RPP38: variants seen among roughly 807,000 people sequenced by gnomAD.
The protein encoded by RPP38 is ribonuclease P protein subunit p38.
In RPP38, 2 loss-of-function variants were observed where a neutral mutation model predicts 1.7. The ratio of observed to expected loss-of-function variants is 1.18; its 90% CI spans 0.48 to 3.70. RPP38 has a LOEUF of 3.70. Ranked by LOEUF, RPP38 falls within the 30% of genes most tolerant of loss-of-function variation. The pLI is 0.07. For synonymous variants in RPP38, 151 were observed against 131.8 expected, an observed-to-expected ratio of 1.15 and a Z score of -1.00; for missense variants, 358 against 340.1, an observed-to-expected ratio of 1.05 and a Z score of -0.41.
chr10:15,102,363 G>A (rs11259487), intron 2 of RPP38, 27 bp downstream of exon 2: 7,540 of 151,974 alleles, frequency 0.05, 239 homozygotes, highest in African/African-American at 0.096. Context: ...GCTAATTTAT[G>A]TATTTTTTGT....
intron 1 of RPP38, among the ~76,000 whole-genome samples, chr10:15,101,975 GTGGGGAGACTT>G (rs1166559870): frequency 1.3e-5 from 2 of 152,138 alleles, no homozygotes; most frequent in Non-Finnish European, 2.9e-5. Flanking sequence ...GCCCTGGGAG[GTGGGGAGACTT>G]ACAAAAGTGG....
At chr10:15,101,359 T>G (rs1175552759) in intron 1 of RPP38, among the ~76,000 whole-genome samples, 1 of 152,150 alleles carries the variant, frequency 6.6e-6, no homozygotes, top group Non-Finnish European at 1.5e-5. Flanking sequence ...TGGGTCCCTG[T>G]GATTCTAGCT....
Position 15,103,814 on chromosome 10 carries a change from G to C in RPP38, c.500G>C (p.Arg167Thr). The change falls in exon 3 of 3, where the codon AGA (arginine) becomes ACA (threonine). Residue 167 changes from arginine to threonine, a missense_variant. Transcript: ENST00000378197. ...TGTCAGGTCCCCCGGCTCAGTGAGA[G>C]AATCGCCCCCGTCATTGGCTTAAAA... is the stretch of plus-strand genomic sequence containing the variant. Reference protein sequence around the residue: ...PACQVPRLSERIAPVIGLKCV... With the variant: ...PACQVPRLSETIAPVIGLKCV... The C allele has an allele frequency of 6.2e-7, 1 of 1,614,094 alleles. No homozygotes were observed. Among genetic ancestry groups the C allele is most frequent in the Non-Finnish European group, 8.5e-7 (1 of 1,180,030 alleles).
In RPP38 at chr10:15,102,230, G is replaced by A. The variant is rs1429934948; in HGVS notation, c.-117G>A. ...TTTTTTTTTGCAGACAGGGTCAGAT[G>A]TGTTACTGGGCTGGAGTGTGGTGGC... On this transcript the variant is annotated 5_prime_UTR_variant, in exon 2 of 3. The change creates a new upstream start codon in the 5' untranslated region. Coordinates refer to ENST00000378197, the MANE Select transcript of RPP38 (RefSeq NM_183005.5). The A allele has an allele frequency of 6.8e-6, 1 of 147,358 alleles. No individual in the cohort carries two copies. Among genetic ancestry groups the A allele is most frequent in the East Asian group, 2.0e-4 (1 of 4,942 alleles). The allele number at this position is 147,358 out of a possible 1,614,324, so 9.1% of individuals were successfully genotyped here.
intron 1 of RPP38, 28 bp downstream of exon 1, chr10:15,097,794 GGGGAGGTGAGCT>G (rs1844984183): frequency 6.6e-6 from 1 of 152,622 alleles, no homozygotes; most frequent in South Asian, 2.1e-4. Context: ...GGCGTGCAGT[GGGGAGGTGAGCT>G]TTGGGTCGGC....
At chr10:15,101,874 G>C (rs947625796) in intron 1 of RPP38, among the ~76,000 whole-genome samples, 2 of 151,690 alleles carry the variant, frequency 1.3e-5, no homozygotes, top group Non-Finnish European at 2.9e-5. Context: ...TAGGCAACAA[G>C]AGCAAAACTC....
chr10:15,098,743 G>T (rs1845024925), intron 1 of RPP38, among the ~76,000 whole-genome samples: 1 of 151,328 alleles, frequency 6.6e-6, no homozygotes, highest in South Asian at 2.1e-4. Flanking sequence ...AGAATTAGCC[G>T]GGCGTGATGG....
At position 15,103,955 on chromosome 10, in the gene RPP38, A is replaced by C; in HGVS notation, c.641A>C (p.Asp214Ala). The C allele has an allele frequency of 6.2e-7, 1 of 1,614,110 alleles. No homozygotes were observed. Among genetic ancestry groups the C allele is most frequent in the East Asian group, 2.2e-5 (1 of 44,886 alleles). ...SVPWLQDRIE[D>A]SGENLETEPL... Reference sequence around the variant, plus strand: ...CCATGGCTTCAAGACAGAATTGAAGATTCTGGGGAAAATTTAGAGACTGAA... The same window carrying C: ...CCATGGCTTCAAGACAGAATTGAAGCTTCTGGGGAAAATTTAGAGACTGAA... The change falls in exon 3 of 3, where the codon GAT (aspartate) becomes GCT (alanine). Residue 214 changes from aspartate (D) to alanine (A), a missense_variant. By Grantham distance (126) the Asp-to-Ala change is moderately radical (BLOSUM62 -2). Transcript: ENST00000378197.
intron 1 of RPP38, among the ~76,000 whole-genome samples, chr10:15,099,122 A>G (rs968788584): frequency 6.6e-6 from 1 of 152,186 alleles, no homozygotes; most frequent in Non-Finnish European, 1.5e-5. Context: ...TAATCGATAA[A>G]TATTTGTTGA....
intron 1 of RPP38, among the ~76,000 whole-genome samples, chr10:15,099,806 A>C (rs1379876326): frequency 1.3e-5 from 2 of 151,964 alleles, no homozygotes; most frequent in Non-Finnish European, 2.9e-5. Flanking sequence ...AATTAAAAAA[A>C]TTTTCTGGGC....
In RPP38 at chr10:15,097,413, G is replaced by A. The variant is rs1844965495; in HGVS notation, c.-483G>A. The A allele has an allele frequency of 6.6e-6, 1 of 152,324 alleles. No homozygotes were observed. Among genetic ancestry groups the A allele is most frequent in the East Asian group, 1.9e-4 (1 of 5,190 alleles). 9.4% of individuals were successfully genotyped at this position (152,324 alleles called of 1,614,324 possible). A position where few individuals can be genotyped will look rare whatever the true frequency, so the allele number is the denominator to read the frequency against. ...GATTCGCCATCGTGAGTTCCAGGTG[G>A]GCGCGCGGGGCCCACGTAGGGCAGG... On this transcript the variant is annotated 5_prime_UTR_variant, in exon 1 of 3. Transcript: ENST00000378197.
Position 15,103,819 on chromosome 10 carries a change from GCCC to G in RPP38, c.508_510del (p.Pro170del), listed in dbSNP as rs771440896. On this transcript the variant is annotated inframe_deletion, in exon 3 of 3. Transcript: ENST00000378197. ...GGTCCCCCGGCTCAGTGAGAGAATC[GCCC>G]CCGTCATTGGCTTAAAATGTGTTCT... 2 of 1,614,006 alleles carry G rather than the reference GCCC, an allele frequency of 1.2e-6. No individual in the cohort carries two copies. Among genetic ancestry groups the G allele is most frequent in the East Asian group, 4.5e-5 (2 of 44,872 alleles).
Position 15,104,070 on chromosome 10 carries a change from T to C in RPP38, c.756T>C (p.Ala252=). 6.2e-7 allele frequency: 1 copy of C among 1,613,890 alleles called. No homozygotes were observed. Residue 252 remains alanine, a synonymous_variant, in exon 3 of 3, where the codon GCT becomes GCC. Transcript: ENST00000378197. ...GAAAGCTTGCTGACGGTCGGCAGGC[T>C]TCTGTAACATTACAACCCCTTAAAA... ...PKRKLADGRQ[A]SVTLQPLKIK...
rs1845216260 is a variant in RPP38 at position 15,104,033 on chromosome 10, C to CA, written c.723dup (p.Pro242ThrfsTer2). 1 of 1,613,754 alleles carries CA rather than the reference C, an allele frequency of 6.2e-7. No homozygotes were observed. Among genetic ancestry groups the CA allele is most frequent in the African/African-American group, 1.3e-5 (1 of 74,880 alleles). ...TTGGACACTTCATTTGAAGATCTGTCAAAACCTAAGAGAAAGCTTGCTGAC... is the reference window on the plus strand; with the variant it reads ...TTGGACACTTCATTTGAAGATCTGTCAAAAACCTAAGAGAAAGCTTGCTGAC... On this transcript the variant is annotated frameshift_variant, in exon 3 of 3. Coordinates refer to ENST00000378197, the MANE Select transcript of RPP38 (RefSeq NM_183005.5). LOFTEE classifies it high-confidence loss of function.
intron 1 of RPP38, among the ~76,000 whole-genome samples, chr10:15,100,784 G>T (rs949533509): frequency 3.3e-5 from 5 of 151,972 alleles, no homozygotes; most frequent in Non-Finnish European, 7.4e-5. Flanking sequence ...GGATTCAAGA[G>T]ATTCTCCTGC....
At chr10:15,101,585 G>A (rs758836802) in intron 1 of RPP38, among the ~76,000 whole-genome samples, 21 of 152,116 alleles carry the variant, frequency 1.4e-4, no homozygotes, top group Admixed American at 3.3e-4. Flanking sequence ...AAGTCAGCTC[G>A]GGGTCCCCCT....
chr10:15,103,389 GA>G lies in RPP38; in HGVS notation c.77del (p.Asn26ThrfsTer47), dbSNP rs1845180058. On this transcript the variant is annotated frameshift_variant, in exon 3 of 3. Coordinates refer to ENST00000378197, the MANE Select transcript of RPP38 (RefSeq NM_183005.5). LOFTEE classifies it low-confidence loss of function (END_TRUNC). Reference protein sequence around the residue: ...TRPLVVKTSLNNPYIIRWSAL... With the variant: ...TRPLVVKTSLXNPYIIRWSAL... ...GACCTCTGGTTGTGAAGACGTCGTT[GA>G]ACAACCCATACATCATCCGCTGGAG... The G allele has an allele frequency of 1.9e-6, 3 of 1,613,910 alleles. No homozygotes were observed. The highest frequency in any genetic ancestry group is 2.5e-6 in the Non-Finnish European group (3 of 1,179,956).
In RPP38 at chr10:15,097,360, C is replaced by T. The variant is rs1303582655; in HGVS notation, c.-536C>T. On this transcript the variant is annotated 5_prime_UTR_variant, in exon 1 of 3. Transcript: ENST00000378197. ...ACGCGCGGCGCAGGCGCACTGGGCG[C>T]CGGTGCTGTTGCCTTCAGGTGACCA... is the stretch of plus-strand genomic sequence containing the variant. 6.6e-6 allele frequency: 1 copy of T among 152,276 alleles called. No homozygotes were observed. The highest frequency in any genetic ancestry group is 1.9e-4 in the East Asian group (1 of 5,194). The allele number at this position is 152,276 out of a possible 1,614,324, so 9.4% of individuals were successfully genotyped here.
intron 1 of RPP38, among the ~76,000 whole-genome samples, chr10:15,099,117 G>A (rs1414795488): frequency 2.0e-5 from 3 of 152,134 alleles, no homozygotes; most frequent in Admixed American, 2.0e-4. Flanking sequence ...GTGGATAATC[G>A]ATAAATATTT....
Sources: gnomAD v4.1 joint callset for allele counts (sites outside exome capture counted in the v4.1 genomes callset) on GRCh38, gnomAD v4.1.1 for gene constraint, MANE v1.5 for transcripts, NCBI Gene and HGNC (gene_info 2026-07-23, HGNC 2026-07-21) for gene names.